SPTBN1: variants seen among roughly 807,000 people sequenced by gnomAD.
SPTBN1 encodes spectrin beta, non-erythrocytic 1.
A neutral mutation model predicts 266.4 loss-of-function variants in SPTBN1; 32 were observed. That is an observed-to-expected ratio of 0.12 (90% confidence interval 0.09 to 0.16). SPTBN1 has a LOEUF of 0.16. SPTBN1 is among the 10% of genes least tolerant of loss of function. The pLI, the probability that SPTBN1 is intolerant of heterozygous loss-of-function variation, is 1.00. For synonymous variants in SPTBN1, 1,336 were observed against 1,162.2 expected, an observed-to-expected ratio of 1.15 and a Z score of -3.04; for missense variants, 2,296 against 3,067.1, an observed-to-expected ratio of 0.75 and a Z score of 5.94.
At chr2:54,634,619 AACAC>A (rs1678985718) in intron 17 of SPTBN1, among the ~76,000 whole-genome samples, 1 of 152,304 alleles carries the variant, frequency 6.6e-6, no homozygotes, top group East Asian at 1.9e-4. Flanking sequence ...CAGTTATGAA[AACAC>A]ACACATCTGT....
chr2:54,660,715 C>CT, intron 32 of SPTBN1: 8 of 985,424 alleles, frequency 8.1e-6, no homozygotes, highest in Non-Finnish European at 9.6e-6. Context: ...TAGTTCCTCT[C>CT]TTTTTTTCTG....
chr2:54,602,176 T>G (rs1676538953), intron 3 of SPTBN1, among the ~76,000 whole-genome samples: 1 of 152,234 alleles, frequency 6.6e-6, no homozygotes, highest in Non-Finnish European at 1.5e-5. Context: ...CACTATAGTC[T>G]ATAACTCTCC....
chr2:54,558,086 C>G lies in SPTBN1; in HGVS notation c.148+31520C>G, dbSNP rs534309500. On this transcript the variant is annotated intron_variant, in intron 2 of 35. Transcript: ENST00000356805. The surrounding 1 kb of genome is among the most constrained non-coding windows in gnomAD (Gnocchi z 4.6). Reference sequence around the variant, plus strand: ...CTTTTCAAGTGATAGTAATCGGAGACTTTTCCGTTACATGAGGCTCAACAA... The same window carrying G: ...CTTTTCAAGTGATAGTAATCGGAGAGTTTTCCGTTACATGAGGCTCAACAA... 6 of 985,412 alleles carry G rather than the reference C, an allele frequency of 6.1e-6. No homozygotes were observed. In the African/African-American group the frequency reaches 7.0e-5, roughly 11 times the overall value. 61.0% of individuals were successfully genotyped at this position (985,412 alleles called of 1,614,324 possible). A position where few individuals can be genotyped will look rare whatever the true frequency, so the allele number is the denominator to read the frequency against.
At chr2:54,486,182 G>A (rs546623383) in intron 1 of SPTBN1, among the ~76,000 whole-genome samples, 23 of 151,968 alleles carry the variant, frequency 1.5e-4, no homozygotes, top group South Asian at 1.5e-3. Flanking sequence ...GGGAAGTGAG[G>A]AGCCCCTCTG....
chr2:54,481,149 A>G (rs557461275), intron 1 of SPTBN1, among the ~76,000 whole-genome samples: 3 of 152,162 alleles, frequency 2.0e-5, no homozygotes, highest in East Asian at 3.9e-4. Context: ...TCTAAGTAAT[A>G]ATGATGATGA....
At chr2:54,502,506 T>C (rs1317887179) in intron 1 of SPTBN1, among the ~76,000 whole-genome samples, 1 of 152,186 alleles carries the variant, frequency 6.6e-6, no homozygotes, top group Non-Finnish European at 1.5e-5. Context: ...GAGAAATAAA[T>C]ATTCACTTCA....
chr2:54,570,448 A>G (rs1337207375), intron 2 of SPTBN1, among the ~76,000 whole-genome samples: 1 of 152,202 alleles, frequency 6.6e-6, no homozygotes, highest in Non-Finnish European at 1.5e-5. Context: ...TTCATGAAGA[A>G]TGTGAGCAAA....
At chr2:54,562,696 T>TTGTGTGTGTGTGTGTGTGTGTGTGTG (rs55947327) in intron 2 of SPTBN1, among the ~76,000 whole-genome samples, 1 of 122,598 alleles carries the variant, frequency 8.2e-6, no homozygotes, top group Non-Finnish European at 1.6e-5. Flanking sequence ...AAACCCTGCT[T>TTGTGTGTGTGTGTGTGTGTGTGTGTG]TGTGTGTGTG....
chr2:54,491,558 G>C (rs929800812), intron 1 of SPTBN1, among the ~76,000 whole-genome samples: 1 of 152,036 alleles, frequency 6.6e-6, no homozygotes, highest in Admixed American at 6.6e-5. Context: ...TAAATTCTGT[G>C]GTTCAAGTAA....
intron 1 of SPTBN1, among the ~76,000 whole-genome samples, chr2:54,511,030 G>A (rs1558792223): frequency 6.6e-6 from 1 of 152,220 alleles, no homozygotes; most frequent in Non-Finnish European, 1.5e-5. Context: ...CCCAGCCTGG[G>A]TGTTGGGCTG....
At chr2:54,560,681 C>T (rs1005270667) in intron 2 of SPTBN1, among the ~76,000 whole-genome samples, 2 of 151,948 alleles carry the variant, frequency 1.3e-5, no homozygotes, top group Non-Finnish European at 2.9e-5. Flanking sequence ...TTAGTGTGAC[C>T]CTTGTCTCCT....
chr2:54,557,649 G>C, intron 2 of SPTBN1: 2 of 896,654 alleles, frequency 2.2e-6, no homozygotes, highest in Non-Finnish European at 2.7e-6. Flanking sequence ...TCCAGGTCAG[G>C]GATCTCGGCG....
Position 54,645,665 on chromosome 2 carries a change from G to A in SPTBN1, c.4494+212G>A, listed in dbSNP as rs1276750369. 6.6e-6 allele frequency among the ~76,000 whole-genome samples: 1 copy of A among 152,162 alleles called. No individual in the cohort carries two copies. The highest frequency in any genetic ancestry group is 1.5e-5 in the Non-Finnish European group (1 of 68,042). The stretch of plus-strand genomic sequence containing the variant: ...CTCACGTTATCTAGGGATACTGTAG[G>A]ATTTTAATGGCCCTAAAACAGACTT... On this transcript the variant is annotated intron_variant, in intron 21 of 35. Transcript: ENST00000356805. This position sits in a 1 kb window ranked among gnomAD's most constrained non-coding sequence, Gnocchi z 4.3.
intron 1 of SPTBN1, among the ~76,000 whole-genome samples, chr2:54,522,678 G>GAGAGAGAAAGAGAGAGA (rs370803474): frequency 1.3e-5 from 1 of 78,578 alleles, no homozygotes; most frequent in African/African-American, 4.6e-5. Flanking sequence ...GAGAGAGAGA[G>GAGAGAGAAAGAGAGAGA]GAGAGAGAGA....
intron 2 of SPTBN1, among the ~76,000 whole-genome samples, chr2:54,573,492 G>A (rs1176830944): frequency 6.6e-6 from 1 of 152,132 alleles, no homozygotes; most frequent in Non-Finnish European, 1.5e-5. Flanking sequence ...CTGTGTGGCC[G>A]GTTCCTAATA....
At chr2:54,532,421 A>G (rs998500965) in intron 2 of SPTBN1, among the ~76,000 whole-genome samples, 1 of 152,246 alleles carries the variant, frequency 6.6e-6, no homozygotes, top group Non-Finnish European at 1.5e-5. Flanking sequence ...TTAATGAGAC[A>G]CTTTACATTT....
chr2:54,606,319 TGGAG>T (rs1201233634), intron 3 of SPTBN1, among the ~76,000 whole-genome samples: 1 of 152,176 alleles, frequency 6.6e-6, no homozygotes, highest in African/African-American at 2.4e-5. Flanking sequence ...TCCACCCTCT[TGGAG>T]GGAGACTTAT....
chr2:54,509,577 T>TA (rs1019546026), intron 1 of SPTBN1, among the ~76,000 whole-genome samples: 1 of 152,230 alleles, frequency 6.6e-6, no homozygotes, highest in South Asian at 2.1e-4. Flanking sequence ...TCCTTATCTT[T>TA]AAAATCACAA....
intron 2 of SPTBN1, among the ~76,000 whole-genome samples, chr2:54,578,418 C>G (rs1444760611): frequency 6.6e-6 from 1 of 151,984 alleles, no homozygotes; most frequent in East Asian, 1.9e-4. Context: ...CTGTGATGTC[C>G]CTGTGTGAAT....
Sources: gnomAD v4.1 joint callset for allele counts (sites outside exome capture counted in the v4.1 genomes callset) on GRCh38, gnomAD v4.1.1 for gene constraint, Gnocchi (gnomAD v3.1) non-coding constraint, MANE v1.5 for transcripts, NCBI Gene and HGNC (gene_info 2026-07-23, HGNC 2026-07-21) for gene names.